NXPE2: variants seen among roughly 807,000 people sequenced by gnomAD.
NXPE2 encodes the protein neurexophilin and PC-esterase domain family member 2.
Under a neutral mutation model 34.4 loss-of-function variants are expected in NXPE2, and 34 were observed. The observed-to-expected ratio is 0.99, with a 90% confidence interval of 0.75 to 1.31. The LOEUF (loss-of-function observed/expected upper bound fraction) is 1.31. Ranked by LOEUF, NXPE2 falls within the 40% of genes most tolerant of loss-of-function variation. The pLI is 0.00. For synonymous variants in NXPE2, 235 were observed against 231.3 expected (o/e 1.02, Z -0.15); for missense variants, 649 against 672.5 (o/e 0.97, Z 0.39).
chr11:114,582,084 C>T, the NXPE2 span, among the ~76,000 whole-genome samples: 3 of 151,888 alleles, frequency 2.0e-5, no homozygotes, highest in African/African-American at 7.3e-5. Flanking sequence ...TATTTTTTTC[C>T]CATTGATAAG....
chr11:114,688,638 T>C (rs11533180), intron 2 of NXPE2, among the ~76,000 whole-genome samples: 1 of 152,092 alleles, frequency 6.6e-6, no homozygotes, highest in East Asian at 1.9e-4. Context: ...CCTTGATTTT[T>C]TGGAATAGTT....
At chr11:114,698,882 G>A (rs1951314745) in intron 3 of NXPE2, 104 bp downstream of exon 3, 2 of 1,132,756 alleles carry the variant, frequency 1.8e-6, no homozygotes, top group Admixed American at 5.8e-5. Context: ...CAATTATGTT[G>A]ACTAAATTAT....
the NXPE2 span, among the ~76,000 whole-genome samples, chr11:114,598,463 A>G: frequency 6.6e-6 from 1 of 152,236 alleles, no homozygotes; most frequent in East Asian, 1.9e-4. Context: ...CTGCCCTAGT[A>G]GAGGTTATCT....
the NXPE2 span, among the ~76,000 whole-genome samples, chr11:114,809,243 A>G: frequency 6.6e-6 from 1 of 152,042 alleles, no homozygotes; most frequent in Non-Finnish European, 1.5e-5. Flanking sequence ...TATCATACTG[A>G]ATGGGCAAAA....
chr11:114,639,243 G>C, the NXPE2 span, among the ~76,000 whole-genome samples: 1 of 152,156 alleles, frequency 6.6e-6, no homozygotes, highest in South Asian at 2.1e-4. Context: ...CAATCAGCGA[G>C]ACTCTGTGGG....
the NXPE2 span, among the ~76,000 whole-genome samples, chr11:114,757,053 G>A: frequency 6.6e-6 from 1 of 152,128 alleles, no homozygotes; most frequent in Admixed American, 6.5e-5. Context: ...AGCTGCACTT[G>A]ATAAAGTCTC....
the NXPE2 span, among the ~76,000 whole-genome samples, chr11:114,633,870 G>A: frequency 6.6e-6 from 1 of 151,974 alleles, no homozygotes; most frequent in East Asian, 1.9e-4. Context: ...ATCATTTTTG[G>A]ATATTGGGGT....
chr11:114,573,493 A>C, the NXPE2 span, among the ~76,000 whole-genome samples: 1 of 152,146 alleles, frequency 6.6e-6, no homozygotes, highest in South Asian at 2.1e-4. Context: ...ATAAGAACTC[A>C]CATAAACTTA....
the NXPE2 span, among the ~76,000 whole-genome samples, chr11:114,535,003 A>G: frequency 6.6e-6 from 1 of 152,240 alleles, no homozygotes. Flanking sequence ...GTTTAAATGA[A>G]GGAAAAAATG....
chr11:114,507,577 G>T, the NXPE2 span, among the ~76,000 whole-genome samples: 1 of 152,020 alleles, frequency 6.6e-6, no homozygotes, highest in Non-Finnish European at 1.5e-5. Context: ...GGGATGCAAG[G>T]TTAGTTCAAC....
the NXPE2 span, among the ~76,000 whole-genome samples, chr11:114,627,753 G>C: frequency 6.6e-6 from 1 of 152,146 alleles, no homozygotes; most frequent in South Asian, 2.1e-4. Flanking sequence ...AGACCCATCA[G>C]TGTGCTGTAT....
At chr11:114,730,746 T>C in the NXPE2 span, among the ~76,000 whole-genome samples, 1 of 152,242 alleles carries the variant, frequency 6.6e-6, no homozygotes, top group African/African-American at 2.4e-5. Flanking sequence ...ACATTGATTT[T>C]GTATCCTGAA....
chr11:114,699,898 A>T (rs554006933), intron 3 of NXPE2, among the ~76,000 whole-genome samples: 3 of 151,762 alleles, frequency 2.0e-5, no homozygotes, highest in African/African-American at 7.3e-5. Flanking sequence ...GGTACAAGCA[A>T]TTCTGCTGCC....
At chr11:114,587,570 A>G in the NXPE2 span, among the ~76,000 whole-genome samples, 1 of 152,176 alleles carries the variant, frequency 6.6e-6, no homozygotes, top group Non-Finnish European at 1.5e-5. Flanking sequence ...ACTAATCCCA[A>G]TCCATTGGTT....
At chr11:114,522,402 G>GA in the NXPE2 span, 1 of 1,614,022 alleles carries the variant, frequency 6.2e-7, no homozygotes, top group Non-Finnish European at 8.5e-7. Context: ...GTGACGAAGG[G>GA]ATAGCTATGT....
At chr11:114,669,083 G>T in the NXPE2 span, among the ~76,000 whole-genome samples, 1 of 151,972 alleles carries the variant, frequency 6.6e-6, no homozygotes, top group South Asian at 2.1e-4. Flanking sequence ...CTATGCTCTG[G>T]AATGATTTCA....
the NXPE2 span, among the ~76,000 whole-genome samples, chr11:114,781,602 G>A: frequency 1.3e-5 from 2 of 152,098 alleles, no homozygotes; most frequent in African/African-American, 4.8e-5. Context: ...ATATGACCAG[G>A]GGCAAGGGCA....
the NXPE2 span, among the ~76,000 whole-genome samples, chr11:114,601,592 AT>A: frequency 7.4e-4 from 2 of 2,698 alleles, no homozygotes; most frequent in Non-Finnish European, 1.7e-3. Flanking sequence ...TATTATATAT[AT>A]TATTTATAAT....
At chr11:114,657,310 A>G in the NXPE2 span, among the ~76,000 whole-genome samples, 1 of 152,180 alleles carries the variant, frequency 6.6e-6, no homozygotes, top group Non-Finnish European at 1.5e-5. Context: ...TCGATATAGA[A>G]TTTAGAGGAG....
Sources: gnomAD v4.1 joint callset for allele counts (sites outside exome capture counted in the v4.1 genomes callset) on GRCh38, gnomAD v4.1.1 for gene constraint, MANE v1.5 for transcripts, NCBI Gene and HGNC (gene_info 2026-07-23, HGNC 2026-07-21) for gene names.